The following NRG3 variants were observed in gnomAD, a reference collection of about 807,000 sequenced individuals.
NRG3 encodes the protein pro-neuregulin-3, membrane-bound isoform.
Under a neutral mutation model 66.9 loss-of-function variants are expected in NRG3, and 31 were observed. The observed-to-expected ratio is 0.46, with a 90% CI of 0.35 to 0.63. The LOEUF (loss-of-function observed/expected upper bound fraction) is 0.63. Ranked by LOEUF, NRG3 falls within the 20% of genes least tolerant of loss-of-function variation. The probability of loss-of-function intolerance (pLI) is 0.00; values close to 1 mark genes in which losing one functional copy is unlikely to be tolerated. For synonymous variants in NRG3, 393 were observed against 359.4 expected (o/e 1.09, Z -1.06); for missense variants, 910 against 878.9 (o/e 1.04, Z -0.45).
intron 1 of NRG3, among the ~76,000 whole-genome samples, chr10:81,952,587 C>T (rs892114056): frequency 2.0e-5 from 3 of 151,810 alleles, no homozygotes; most frequent in Admixed American, 6.6e-5. Flanking sequence ...AGTTGGCACC[C>T]CAGTTAGTTC....
intron 1 of NRG3, among the ~76,000 whole-genome samples, chr10:82,288,124 G>C (rs1272430859): frequency 1.3e-5 from 2 of 152,102 alleles, no homozygotes; most frequent in East Asian, 3.9e-4. Flanking sequence ...TTTTTTTGAT[G>C]AATGTGAATT....
intron 1 of NRG3, among the ~76,000 whole-genome samples, chr10:82,312,451 T>A (rs1240127205): frequency 6.6e-6 from 1 of 152,226 alleles, no homozygotes; most frequent in Non-Finnish European, 1.5e-5. Context: ...AAAGATTTGG[T>A]ACATTTCCAT....
chr10:82,143,897 G>T (rs952169019), intron 1 of NRG3, among the ~76,000 whole-genome samples: 1 of 151,962 alleles, frequency 6.6e-6, no homozygotes, highest in African/African-American at 2.4e-5. Flanking sequence ...GGGCATGGTG[G>T]TGCACACCCG....
chr10:81,957,099 G>A (rs909033120), intron 1 of NRG3, among the ~76,000 whole-genome samples: 1 of 152,138 alleles, frequency 6.6e-6, no homozygotes, highest in African/African-American at 2.4e-5. Context: ...GGAAGCAAGT[G>A]TGCTGCCCTC....
chr10:82,600,280 A>G (rs2047538658), intron 2 of NRG3, among the ~76,000 whole-genome samples: 1 of 152,152 alleles, frequency 6.6e-6, no homozygotes, highest in Non-Finnish European at 1.5e-5. Flanking sequence ...TAAATCAATG[A>G]TTAGATTTTA....
Position 82,131,805 on chromosome 10 carries a change from G to T in NRG3, c.824-226934G>T, listed in dbSNP as rs773502991. On this transcript the variant is annotated intron_variant, in intron 1 of 8. Transcript: ENST00000372141. ...AATTTTATTTGTAGCTATTGTAAAT[G>T]AGATTACTTTTTTATTTCTTTTTCA... Among the ~76,000 whole-genome samples, 3 of 152,034 alleles carry T rather than the reference G, an allele frequency of 2.0e-5. 1 individual carries two copies. The highest frequency in any genetic ancestry group is 4.4e-5 in the Non-Finnish European group (3 of 67,974).
At chr10:82,785,274 C>T (rs561916232) in intron 3 of NRG3, among the ~76,000 whole-genome samples, 1,604 of 151,842 alleles carry the variant, frequency 0.011, 30 homozygotes, top group African/African-American at 0.037. Context: ...TTAATGGGTG[C>T]AGCACACCAG....
intron 1 of NRG3, among the ~76,000 whole-genome samples, chr10:82,201,918 A>C (rs944300317): frequency 1.3e-5 from 2 of 152,174 alleles, no homozygotes; most frequent in Non-Finnish European, 2.9e-5. Flanking sequence ...GAGAAGAGAG[A>C]GACACAGCTT....
intron 2 of NRG3, among the ~76,000 whole-genome samples, chr10:82,634,707 G>A (rs1401976010): frequency 6.6e-6 from 1 of 152,158 alleles, no homozygotes; most frequent in Non-Finnish European, 1.5e-5. Context: ...GTTCTTTGGG[G>A]AAAGTGTAAG....
In NRG3 at chr10:82,309,116, C is replaced by T. The variant is rs949419868; in HGVS notation, c.824-49623C>T. On this transcript the variant is annotated intron_variant, in intron 1 of 8. Coordinates refer to ENST00000372141, the MANE Select transcript of NRG3 (RefSeq NM_001010848.4). ...CAATATCCACTACTATTGCCCTCCC[C>T]TTGGAATTCTCCATCATTAATTCCT... is the stretch of plus-strand genomic sequence containing the variant. Among the ~76,000 whole-genome samples, 4 of 152,334 alleles carry T rather than the reference C, an allele frequency of 2.6e-5. No individual in the cohort carries two copies. In the East Asian group the frequency reaches 7.7e-4, roughly 29 times the overall value.
At chr10:82,024,348 C>T (rs756182328) in intron 1 of NRG3, among the ~76,000 whole-genome samples, 6 of 151,786 alleles carry the variant, frequency 4.0e-5, no homozygotes, top group Non-Finnish European at 8.8e-5. Context: ...ATTTTTTCTG[C>T]TCTGATCTTT....
At chr10:82,955,496 A>C (rs1379477803) in intron 5 of NRG3, among the ~76,000 whole-genome samples, 5 of 152,062 alleles carry the variant, frequency 3.3e-5, no homozygotes, top group Admixed American at 3.3e-4. Context: ...GATGGGGATG[A>C]GTGTTAGAGT....
chr10:82,350,392 G>A (rs1357520132), intron 1 of NRG3, among the ~76,000 whole-genome samples: 1 of 152,190 alleles, frequency 6.6e-6, no homozygotes, highest in Non-Finnish European at 1.5e-5. Flanking sequence ...AGACTGACTT[G>A]CTAGGTCCCT....
rs77494617 is a variant in NRG3 at position 82,132,468 on chromosome 10, G to T, written c.824-226271G>T. Among the ~76,000 whole-genome samples, 53 of 119,906 alleles carry T rather than the reference G, an allele frequency of 4.4e-4. 3 individuals are homozygous for T. In the Middle Eastern group the frequency reaches 0.012, roughly 27 times the overall value. The allele number at this position is 119,906 out of a possible 152,430, so 78.7% of individuals were successfully genotyped here. A position where few individuals can be genotyped will look rare whatever the true frequency, so the allele number is the denominator to read the frequency against. On this transcript the variant is annotated intron_variant, in intron 1 of 8. Transcript: ENST00000372141. ...TCTTTTATATATATATGATATATAT[G>T]ATATATATATGATATATATATATGA...
At chr10:81,893,869 G>T (rs1306650762) in intron 1 of NRG3, among the ~76,000 whole-genome samples, 2 of 152,244 alleles carry the variant, frequency 1.3e-5, no homozygotes, top group East Asian at 3.9e-4. Flanking sequence ...GGCCTTAGAA[G>T]TTCTAAAACT....
chr10:82,228,741 G>T (rs1409784383), intron 1 of NRG3, among the ~76,000 whole-genome samples: 2 of 152,042 alleles, frequency 1.3e-5, no homozygotes, highest in Admixed American at 1.3e-4. Flanking sequence ...AGAATCTTTG[G>T]CCAAATACTG....
intron 1 of NRG3, among the ~76,000 whole-genome samples, chr10:82,289,223 C>G (rs1374853787): frequency 6.7e-6 from 1 of 149,226 alleles, no homozygotes; most frequent in Non-Finnish European, 1.5e-5. Context: ...ACGCCATCAG[C>G]TCTAGAGACA....
intron 4 of NRG3, among the ~76,000 whole-genome samples, chr10:82,877,061 T>A (rs1841892745): frequency 6.7e-6 from 1 of 150,284 alleles, no homozygotes; most frequent in Non-Finnish European, 1.5e-5. Context: ...ATTCTCAGAG[T>A]TATCAGAGAA....
chr10:82,375,990 CAG>C lies in NRG3; in HGVS notation c.953+17123_953+17124del, dbSNP rs564740577. Among the ~76,000 whole-genome samples, 27 of 152,308 alleles carry C rather than the reference CAG, an allele frequency of 1.8e-4. No homozygotes were observed. The South Asian group carries it at 5.4e-3, about 30-fold the overall frequency. On this transcript the variant is annotated intron_variant, in intron 2 of 8. Transcript: ENST00000372141. ...GCCAAATTAAGAAGGGTGTGACTGT[CAG>C]GGGAAAGACGGCACACAGAAAACCT...
Sources: allele counts gnomAD v4.1 joint callset (sites outside exome capture counted in the v4.1 genomes callset), GRCh38; gene constraint gnomAD v4.1.1; transcripts MANE v1.5; gene names NCBI Gene and HGNC (gene_info 2026-07-23, HGNC 2026-07-21).